Variants in POT1 observed in about 807,000 individuals in gnomAD.
The protein encoded by POT1 is protection of telomeres 1, also known as protection of telomeres protein 1.
POT1 carries 47 observed loss-of-function variants against 78.5 expected under a neutral mutation model. The ratio of observed to expected loss-of-function variants is 0.60; its 90% CI spans 0.47 to 0.76. The LOEUF (loss-of-function observed/expected upper bound fraction) is 0.76. Ranked by LOEUF, POT1 falls within the 30% of genes least tolerant of loss-of-function variation. The pLI, the probability that POT1 is intolerant of heterozygous loss-of-function variation, is 0.00. For missense variants in POT1, 646 were observed against 749.9 expected, an observed-to-expected ratio of 0.86 and a Z score of 1.62; for synonymous variants, 259 against 260.7, an observed-to-expected ratio of 0.99 and a Z score of 0.06.
At chr7:124,873,874 G>A (rs747882216) in intron 6 of POT1, among the ~76,000 whole-genome samples, 1 of 151,108 alleles carries the variant, frequency 6.6e-6, no homozygotes, top group Non-Finnish European at 1.5e-5. Context: ...GTGGTTAAGG[G>A]ATAAAATAAA....
chr7:124,847,073 TGAGA>T (rs1795189049), intron 11 of POT1, 75 bp from the exon 12 acceptor site: 11 of 935,188 alleles, frequency 1.2e-5, no homozygotes, highest in Admixed American at 4.2e-5. Context: ...GGAGCGTTGC[TGAGA>T]GAAACTGAAG....
chr7:124,877,840 CAAAAAAAAA>C (rs201285982), intron 6 of POT1, among the ~76,000 whole-genome samples: 35 of 80,538 alleles, frequency 4.3e-4, no homozygotes, highest in African/African-American at 4.5e-4. Context: ...GATTCTGTCT[CAAAAAAAAA>C]AAAAAAAAAA....
intron 3 of POT1, among the ~76,000 whole-genome samples, chr7:124,899,867 T>A (rs1796578099): frequency 6.6e-6 from 1 of 152,158 alleles, no homozygotes. Flanking sequence ...CTGTAGATTC[T>A]AAACTTTTTT....
intron 3 of POT1, among the ~76,000 whole-genome samples, chr7:124,906,152 G>A (rs1796760302): frequency 6.6e-6 from 1 of 152,054 alleles, no homozygotes; most frequent in Admixed American, 6.6e-5. Context: ...TATAGCCAAA[G>A]GATTATAAAT....
At chr7:124,838,832 C>T (rs989297223) in intron 14 of POT1, among the ~76,000 whole-genome samples, 6 of 152,008 alleles carry the variant, frequency 3.9e-5, no homozygotes, top group East Asian at 3.9e-4. Flanking sequence ...CTCGAACTCC[C>T]GACCTCAGGT....
At chr7:124,894,882 T>C (rs568473742) in intron 5 of POT1, among the ~76,000 whole-genome samples, 1 of 151,710 alleles carries the variant, frequency 6.6e-6, no homozygotes, top group Admixed American at 6.6e-5. Flanking sequence ...GAAGGACAAG[T>C]AACAAGGAGA....
At chr7:124,870,159 T>C (rs1167205926) in intron 7 of POT1, among the ~76,000 whole-genome samples, 2 of 152,120 alleles carry the variant, frequency 1.3e-5, no homozygotes, top group Non-Finnish European at 2.9e-5. Context: ...AGGGACTGAA[T>C]ATATACAAAA....
chr7:124,867,199 TC>T (rs1341051921), intron 7 of POT1, among the ~76,000 whole-genome samples: 3 of 152,174 alleles, frequency 2.0e-5, no homozygotes, highest in African/African-American at 7.2e-5. Context: ...ACCACTGTAG[TC>T]TAACGCATCC....
chr7:124,907,261 G>C (rs886095701), intron 3 of POT1, among the ~76,000 whole-genome samples: 1 of 152,072 alleles, frequency 6.6e-6, no homozygotes, highest in Non-Finnish European at 1.5e-5. Context: ...TGTCATCCCT[G>C]TCACATTGCC....
Position 124,863,351 on chromosome 7 carries a change from T to C in POT1, c.545A>G (p.Lys182Arg). 6.2e-7 allele frequency: 1 copy of C among 1,609,820 alleles called. No homozygotes were observed. Among genetic ancestry groups the C allele is most frequent in the Non-Finnish European group, 8.5e-7 (1 of 1,178,310 alleles). The stretch of plus-strand genomic sequence containing the variant: ...TTCCCAGTATTAAAAAATATGTACC[T>C]TTAGAAGAAATGATGCTCCGTCCAC... The part of the protein sequence containing the change: ...AEVDGASFLL[K>R]VWDGTRTPFP... The change falls in exon 8 of 19, where the codon AAG becomes AGG. Residue 182 changes from lysine (K) to arginine (R), a missense_variant and splice_region_variant. By Grantham distance (26) the Lys-to-Arg change is conservative (BLOSUM62 2). Transcript: ENST00000357628.
intron 15 of POT1, among the ~76,000 whole-genome samples, chr7:124,831,459 C>T (rs764329295): frequency 5.3e-5 from 8 of 152,026 alleles, no homozygotes; most frequent in African/African-American, 1.9e-4. Context: ...CAACACTGAC[C>T]CTTACTGTGT....
Position 124,923,449 on chromosome 7 carries a change from G to T in POT1, c.-227+5366C>A, listed in dbSNP as rs527931790. Among the ~76,000 whole-genome samples, 4 of 151,634 alleles carry T rather than the reference G, an allele frequency of 2.6e-5. No individual in the cohort carries two copies. In the East Asian group the frequency reaches 5.8e-4, roughly 22 times the overall value. ...GAATCTCAGAACCTGAAGACAGAAC[G>T]AAATTTTGAAATAATGCGGTCAGGC... On this transcript the variant is annotated intron_variant, in intron 2 of 18. Coordinates refer to ENST00000357628, the MANE Select transcript of POT1 (RefSeq NM_015450.3).
intron 5 of POT1, among the ~76,000 whole-genome samples, chr7:124,895,021 A>G (rs1796459582): frequency 6.6e-6 from 1 of 151,730 alleles, no homozygotes; most frequent in Admixed American, 6.6e-5. Context: ...AACAACTCCT[A>G]GGTTAATAAA....
Position 124,924,864 on chromosome 7 carries a change from G to T in POT1, c.-227+3951C>A, listed in dbSNP as rs544129350. Among the ~76,000 whole-genome samples, 310 of 151,928 alleles carry T rather than the reference G, an allele frequency of 2.0e-3. 1 individual carries two copies. Among genetic ancestry groups the T allele is most frequent in the South Asian group, 9.3e-3 (45 of 4,822 alleles). On this transcript the variant is annotated intron_variant, in intron 2 of 18. Coordinates refer to ENST00000357628, the MANE Select transcript of POT1 (RefSeq NM_015450.3). ...TAAACAGAATTAAGGACAAAAACCAGATGATCATCCCAACAGATGAAGAAA... is the reference window on the plus strand; with the variant it reads ...TAAACAGAATTAAGGACAAAAACCATATGATCATCCCAACAGATGAAGAAA...
chr7:124,876,914 ATCT>A (rs1215556443), intron 6 of POT1, among the ~76,000 whole-genome samples: 4 of 152,206 alleles, frequency 2.6e-5, no homozygotes, highest in African/African-American at 9.6e-5. Flanking sequence ...ACAGCTAACA[ATCT>A]TATTCCATAA....
chr7:124,901,878 T>A (rs1212892778), intron 3 of POT1, among the ~76,000 whole-genome samples: 1 of 152,088 alleles, frequency 6.6e-6, no homozygotes, highest in East Asian at 1.9e-4. Context: ...ACATGATGCA[T>A]GCACAAGCTT....
At chr7:124,924,487 A>G (rs1409567138) in intron 2 of POT1, among the ~76,000 whole-genome samples, 4 of 147,138 alleles carry the variant, frequency 2.7e-5, no homozygotes, top group Non-Finnish European at 6.0e-5. Context: ...AGTAATAAAA[A>G]AATCCCAATA....
chr7:124,887,214 T>A lies in POT1; in HGVS notation c.124+5052A>T, dbSNP rs115470267. ...GGAAATGAAGACTCTGGGAATAAGC[T>A]GAAATGAGAATATTTGAAAAATAGG... On this transcript the variant is annotated intron_variant, in intron 6 of 18. Coordinates refer to ENST00000357628, the MANE Select transcript of POT1 (RefSeq NM_015450.3). 6.2e-3 allele frequency among the ~76,000 whole-genome samples: 942 copies of A among 152,204 alleles called. 10 individuals carry two copies. The highest frequency in any genetic ancestry group is 0.021 in the African/African-American group (884 of 41,566).
chr7:124,895,918 G>GTAAA (rs1796480918), intron 5 of POT1, among the ~76,000 whole-genome samples: 1 of 151,644 alleles, frequency 6.6e-6, no homozygotes, highest in African/African-American at 2.4e-5. Flanking sequence ...AAGTGGGCTA[G>GTAAA]TAAAGCTTTT....
Sources: allele counts gnomAD v4.1 joint callset (sites outside exome capture counted in the v4.1 genomes callset), GRCh38; gene constraint gnomAD v4.1.1; transcripts MANE v1.5; gene names NCBI Gene and HGNC (gene_info 2026-07-23, HGNC 2026-07-21).